Variants in SLX9 observed in about 807,000 individuals in gnomAD.
SLX9 encodes the protein SLX9 ribosome biogenesis factor, also known as ribosome biogenesis protein SLX9 homolog.
In SLX9, 19 loss-of-function variants were observed where a neutral mutation model predicts 20.8. That is an observed-to-expected ratio of 0.91 (90% CI 0.64 to 1.34). The LOEUF (loss-of-function observed/expected upper bound fraction) is 1.34. SLX9 is among the 40% of genes most tolerant of loss of function. SLX9 has a pLI of 0.00. For synonymous variants in SLX9, 113 were observed against 137.1 expected, an observed-to-expected ratio of 0.82 and a Z score of 1.23; for missense variants, 299 against 322.2, an observed-to-expected ratio of 0.93 and a Z score of 0.55.
chr21:44,971,374 C>A (rs1445313891), intron 4 of SLX9, among the ~76,000 whole-genome samples: 1 of 12,634 alleles, frequency 7.9e-5, no homozygotes, highest in Non-Finnish European at 1.4e-4. Context: ...GCCCTGAACT[C>A]CGGAAACCCC....
chr21:44,944,891 C>T (rs1208606146), intron 2 of SLX9, among the ~76,000 whole-genome samples: 1 of 152,234 alleles, frequency 6.6e-6, no homozygotes, highest in Non-Finnish European at 1.5e-5. Context: ...AAGGAGGTAA[C>T]AGTATTTATC....
chr21:44,951,612 A>G (rs1213646458), intron 2 of SLX9, among the ~76,000 whole-genome samples: 1 of 152,172 alleles, frequency 6.6e-6, no homozygotes, highest in Non-Finnish European at 1.5e-5. Flanking sequence ...GTATGCACAC[A>G]TTGCAGAATA....
intron 2 of SLX9, among the ~76,000 whole-genome samples, chr21:44,956,094 A>G (rs375332581): frequency 0.011 from 1,602 of 152,334 alleles, 32 homozygotes; most frequent in Non-Finnish European, 0.013. Context: ...TGAGCTGCCT[A>G]TATGTGCCTT....
chr21:44,960,006 C>A, intron 2 of SLX9, 94 bp from the exon 3 acceptor site: 4 of 1,067,560 alleles, frequency 3.7e-6, no homozygotes, highest in Non-Finnish European at 5.8e-6. Flanking sequence ...GTGACTGTGG[C>A]AGCTCTGCAG....
chr21:44,968,278 G>A (rs2085077694), intron 4 of SLX9, among the ~76,000 whole-genome samples: 1 of 150,518 alleles, frequency 6.6e-6, no homozygotes, highest in African/African-American at 2.4e-5. Flanking sequence ...CCCCAGTGAC[G>A]CAACCCCGCC....
intron 4 of SLX9, chr21:44,972,937 T>G: frequency 3.5e-6 from 2 of 574,016 alleles, no homozygotes; most frequent in South Asian, 2.1e-5. Context: ...ACGGAGCAGC[T>G]TGGGGCCCGC....
rs2084590512 is a variant in SLX9 at position 44,943,701 on chromosome 21, C to T, written c.147C>T (p.Asn49=). ...SAAGKDWAFI[N]TNIFARTKID... is the part of the protein sequence containing the mutation. ...GACATTAGGACTGGGCGTTCATCAA[C>T]ACCAACATCTTTGCCAGGACCAAGA... is the stretch of plus-strand genomic sequence containing the variant. The change falls in exon 2 of 6, where the codon AAC becomes AAT. Residue 49 remains asparagine, a synonymous_variant. Transcript: ENST00000291634. The T allele has an allele frequency of 6.2e-7, 1 of 1,614,014 alleles. No homozygotes were observed. The highest frequency in any genetic ancestry group is 8.5e-7 in the Non-Finnish European group (1 of 1,179,996).
At chr21:44,954,338 T>A (rs1459287975) in intron 2 of SLX9, among the ~76,000 whole-genome samples, 1 of 152,076 alleles carries the variant, frequency 6.6e-6, no homozygotes. Flanking sequence ...ACAGGCTGTC[T>A]CCAGTGCTCC....
upstream of SLX9, chr21:44,939,965 C>T: frequency 1.5e-6 from 2 of 1,297,774 alleles, no homozygotes; most frequent in South Asian, 1.9e-5. Flanking sequence ...GCGGGGCTCC[C>T]GGCAGCCGCG....
intron 4 of SLX9, chr21:44,969,051 C>T: frequency 2.3e-6 from 1 of 431,748 alleles, no homozygotes; most frequent in Non-Finnish European, 5.0e-6. Flanking sequence ...CCGCGCCTGG[C>T]CTAATTTTGC....
At chr21:44,968,745 T>A (rs897363464) in intron 4 of SLX9, among the ~76,000 whole-genome samples, 2 of 147,276 alleles carry the variant, frequency 1.4e-5, no homozygotes, top group African/African-American at 5.1e-5. Flanking sequence ...ATTTGTGTCA[T>A]CTCTGTGCTT....
chr21:44,940,694 T>TG (rs2084528824), intron 1 of SLX9, among the ~76,000 whole-genome samples: 1 of 150,656 alleles, frequency 6.6e-6, no homozygotes, highest in African/African-American at 2.5e-5. Flanking sequence ...TTTTGGCTTT[T>TG]GCCTTAAATA....
chr21:44,949,889 C>T (rs986564095), intron 2 of SLX9, among the ~76,000 whole-genome samples: 1 of 152,156 alleles, frequency 6.6e-6, no homozygotes, highest in African/African-American at 2.4e-5. Flanking sequence ...CGGTGGAGGG[C>T]GCGACCTTGG....
At chr21:44,948,487 C>G (rs2084691744) in intron 2 of SLX9, among the ~76,000 whole-genome samples, 1 of 152,178 alleles carries the variant, frequency 6.6e-6, no homozygotes, top group African/African-American at 2.4e-5. Context: ...TTCCTTCATA[C>G]CAGAAAACGA....
At position 44,973,279 on chromosome 21, in the gene SLX9, C is replaced by T. The variant is rs375438207; in HGVS notation, c.569+14C>T. ...ACAGCAGCTTCTGTGAGTGCACCTG[C>T]CCACCTCCTCAGGGGTTCAGCTCCT... On this transcript the variant is annotated intron_variant, in intron 5 of 5. Coordinates refer to ENST00000291634, the MANE Select transcript of SLX9 (RefSeq NM_058190.4). The T allele has an allele frequency of 1.5e-5, 24 of 1,611,358 alleles. No homozygotes were observed. Among genetic ancestry groups the T allele is most frequent in the Non-Finnish European group, 1.9e-5 (22 of 1,179,632 alleles).
chr21:44,969,023 G>T (rs767078679), intron 4 of SLX9: 19 of 401,816 alleles, frequency 4.7e-5, no homozygotes, highest in Non-Finnish European at 6.9e-5. Context: ...AAAGTGCTGG[G>T]ATTACAGGCG....
upstream of SLX9, chr21:44,939,826 C>T: frequency 1.8e-6 from 1 of 560,608 alleles, no homozygotes; most frequent in South Asian, 2.0e-5. Flanking sequence ...CTCGTTGTTT[C>T]TCGTGCTCCG....
At chr21:44,951,564 C>T (rs1010207005) in intron 2 of SLX9, among the ~76,000 whole-genome samples, 8 of 152,162 alleles carry the variant, frequency 5.3e-5, no homozygotes, top group East Asian at 3.8e-4. Flanking sequence ...AAAATTACTT[C>T]TGTAGAAAAT....
intron 2 of SLX9, chr21:44,958,491 C>G (rs922246310): frequency 1.3e-5 from 2 of 152,286 alleles, no homozygotes; most frequent in African/African-American, 4.8e-5. Flanking sequence ...TGGGGTGCGC[C>G]CACCTGCCCT....
Sources: gnomAD v4.1 joint callset for allele counts (sites outside exome capture counted in the v4.1 genomes callset) on GRCh38, gnomAD v4.1.1 for gene constraint, MANE v1.5 for transcripts, NCBI Gene and HGNC (gene_info 2026-07-23, HGNC 2026-07-21) for gene names.